The following TCF4 variants were observed in gnomAD, a reference collection of about 807,000 sequenced individuals.
The protein encoded by TCF4 is transcription factor 4, also known as SL3-3 enhancer factor 2.
Under a neutral mutation model 82.1 loss-of-function variants are expected in TCF4, and 3 were observed. That is an observed-to-expected ratio of 0.04 (90% CI 0.02 to 0.09). The LOEUF (loss-of-function observed/expected upper bound fraction) is 0.09. TCF4 is among the 10% of genes least tolerant of loss of function. The pLI, the probability that TCF4 is intolerant of heterozygous loss-of-function variation, is 1.00. For synonymous variants in TCF4, 276 were observed against 309.6 expected, an observed-to-expected ratio of 0.89 and a Z score of 1.14; for missense variants, 518 against 852.7, an observed-to-expected ratio of 0.61 and a Z score of 4.89.
At chr18:55,342,755 A>G (rs1406143342) in intron 8 of TCF4, among the ~76,000 whole-genome samples, 1 of 152,154 alleles carries the variant, frequency 6.6e-6, no homozygotes, top group Non-Finnish European at 1.5e-5. Flanking sequence ...AGTTCGTTTC[A>G]TAAAAAGCAA....
At chr18:55,305,813 T>C (rs921260907) in intron 8 of TCF4, among the ~76,000 whole-genome samples, 5 of 152,178 alleles carry the variant, frequency 3.3e-5, no homozygotes, top group Non-Finnish European at 7.4e-5. Context: ...TCATATGAAA[T>C]ATATGCTATT....
chr18:55,493,057 T>C (rs2096592590), intron 3 of TCF4, among the ~76,000 whole-genome samples: 1 of 152,170 alleles, frequency 6.6e-6, no homozygotes, highest in African/African-American at 2.4e-5. Context: ...GATATAGCTA[T>C]TATTTGGTAT....
At chr18:55,348,019 T>C (rs2081551101) in intron 8 of TCF4, among the ~76,000 whole-genome samples, 2 of 152,144 alleles carry the variant, frequency 1.3e-5, no homozygotes, top group Non-Finnish European at 2.9e-5. Context: ...AAAAAAAGCA[T>C]GGCAGAGGTC....
intron 8 of TCF4, among the ~76,000 whole-genome samples, chr18:55,323,409 G>A (rs1181565204): frequency 6.6e-6 from 1 of 152,082 alleles, no homozygotes; most frequent in Non-Finnish European, 1.5e-5. Context: ...TGTTGGTTCC[G>A]AGGAGCAAAG....
intron 8 of TCF4, among the ~76,000 whole-genome samples, chr18:55,292,554 A>G (rs888932280): frequency 1.3e-5 from 2 of 152,322 alleles, no homozygotes; most frequent in African/African-American, 4.8e-5. Context: ...ATATACAGAC[A>G]GGTTAAAAGA....
chr18:55,303,252 C>CACACCCCT (rs1555851914), intron 8 of TCF4, among the ~76,000 whole-genome samples: 1 of 146,512 alleles, frequency 6.8e-6, no homozygotes, highest in South Asian at 2.7e-4. Flanking sequence ...CACACACACA[C>CACACCCCT]ACACACACAC....
At chr18:55,384,974 G>A (rs974263877) in intron 6 of TCF4, among the ~76,000 whole-genome samples, 16 of 152,084 alleles carry the variant, frequency 1.1e-4, no homozygotes, top group Admixed American at 3.9e-4. Flanking sequence ...ACCCGAGCCC[G>A]ACAGATTTTT....
chr18:55,534,757 T>C (rs1164129279), intron 3 of TCF4, among the ~76,000 whole-genome samples: 3 of 152,234 alleles, frequency 2.0e-5, no homozygotes, highest in African/African-American at 2.4e-5. Context: ...TTTTAAAATA[T>C]CATGATGTAA....
intron 5 of TCF4, among the ~76,000 whole-genome samples, chr18:55,458,262 G>T (rs1286114928): frequency 2.0e-5 from 3 of 152,168 alleles, no homozygotes; most frequent in African/African-American, 7.2e-5. Flanking sequence ...GCAGAATTAA[G>T]CCTTTGAGAC....
chr18:55,240,234 CA>C (rs891978978), intron 15 of TCF4, among the ~76,000 whole-genome samples: 2 of 152,098 alleles, frequency 1.3e-5, no homozygotes, highest in Non-Finnish European at 2.9e-5. Flanking sequence ...AGAACAACAA[CA>C]AAATGGGACA....
At chr18:55,530,528 G>A (rs903045497) in intron 3 of TCF4, among the ~76,000 whole-genome samples, 1 of 148,150 alleles carries the variant, frequency 6.7e-6, no homozygotes, top group African/African-American at 2.5e-5. Context: ...AGCATTATGC[G>A]GGGGCTCTGA....
At chr18:55,402,785 C>G (rs970512465) in intron 6 of TCF4, among the ~76,000 whole-genome samples, 4 of 152,174 alleles carry the variant, frequency 2.6e-5, no homozygotes, top group Non-Finnish European at 5.9e-5. Flanking sequence ...TTAAAGTATA[C>G]AAATGCAAAG....
exon 2 of TCF4, chr18:55,631,344 C>T (rs1185734703): frequency 1.2e-5 from 19 of 1,547,900 alleles, no homozygotes; most frequent in South Asian, 7.2e-5. Flanking sequence ...CCACCATGCC[C>T]GTCCAAGAGA....
chr18:55,282,470 T>G (rs2062815553), intron 8 of TCF4, among the ~76,000 whole-genome samples: 1 of 152,112 alleles, frequency 6.6e-6, no homozygotes, highest in Admixed American at 6.5e-5. Flanking sequence ...TTACTTTTAC[T>G]TCAGTCAACT....
intron 5 of TCF4, among the ~76,000 whole-genome samples, chr18:55,407,649 TAA>T (rs60748072): frequency 0.41 from 53,787 of 132,442 alleles, 11,346 homozygotes; most frequent in African/African-American, 0.61. Flanking sequence ...AACTTCCATA[TAA>T]AAAAAAAAAA....
chr18:55,232,758 T>A, intron 16 of TCF4, 87 bp from the exon 17 acceptor site: 1 of 1,506,276 alleles, frequency 6.6e-7, no homozygotes, highest in South Asian at 1.1e-5. Context: ...AGACAATTCA[T>A]ACTGCTGAAC....
chr18:55,349,179 A>T (rs2081823595), intron 8 of TCF4, among the ~76,000 whole-genome samples: 1 of 152,156 alleles, frequency 6.6e-6, no homozygotes, highest in Non-Finnish European at 1.5e-5. Context: ...TATATTTATG[A>T]ATAATTTTGT....
chr18:55,391,662 G>A (rs1414212282), intron 6 of TCF4, among the ~76,000 whole-genome samples: 3 of 152,036 alleles, frequency 2.0e-5, no homozygotes, highest in Admixed American at 2.0e-4. Context: ...GCCAGGCGCG[G>A]TGGTTCATGC....
At chr18:55,551,223 G>GCTCA (rs2097257971) in intron 3 of TCF4, 1 of 152,252 alleles carries the variant, frequency 6.6e-6, no homozygotes, top group East Asian at 1.9e-4. Context: ...GGGATTACAG[G>GCTCA]CGTGAGTCAT....
Sources: allele counts gnomAD v4.1 joint callset (sites outside exome capture counted in the v4.1 genomes callset), GRCh38; gene constraint gnomAD v4.1.1; transcripts MANE v1.5; gene names NCBI Gene and HGNC (gene_info 2026-07-23, HGNC 2026-07-21).